SDF4: variants seen among roughly 807,000 people sequenced by gnomAD.
The protein encoded by SDF4 is 45 kDa calcium-binding protein.
Under a neutral mutation model 34.2 loss-of-function variants are expected in SDF4, and 22 were observed. The ratio of observed to expected loss-of-function variants is 0.64; its 90% CI spans 0.46 to 0.92. SDF4 has a LOEUF of 0.92. Ranked by LOEUF, SDF4 falls within the 40% of genes least tolerant of loss-of-function variation. The probability of loss-of-function intolerance (pLI) is 0.00; values close to 1 mark genes in which losing one functional copy is unlikely to be tolerated. For missense variants in SDF4, 447 were observed against 499.9 expected, an observed-to-expected ratio of 0.89 and a Z score of 1.01; for synonymous variants, 236 against 203.1, an observed-to-expected ratio of 1.16 and a Z score of -1.38.
chr1:1,231,849 T>G (rs1638512094), intron 1 of SDF4, 43 bp downstream of exon 1: 1 of 151,966 alleles, frequency 6.6e-6, no homozygotes, highest in Non-Finnish European at 1.5e-5. Context: ...GGCGTACACT[T>G]GGCCCCGCGG....
At chr1:1,220,560 G>C (rs776609119) in intron 4 of SDF4, 73 of 1,266,638 alleles carry the variant, frequency 5.8e-5, no homozygotes, top group Admixed American at 1.2e-4. Flanking sequence ...GCACCCTGAG[G>C]TCGGGGAGGC....
chr1:1,220,471 C>T (rs772075068), intron 4 of SDF4: 16 of 1,193,366 alleles, frequency 1.3e-5, no homozygotes, highest in Non-Finnish European at 1.6e-5. Flanking sequence ...CCAGCGCTTC[C>T]CAGGCCCCTC....
In SDF4 at chr1:1,217,514, A is replaced by G. The variant is rs1325598875; in HGVS notation, c.1066T>C (p.Ter356ArgextTer64). 1 of 1,589,888 alleles carries G rather than the reference A, an allele frequency of 6.3e-7. No homozygotes were observed. The highest frequency in any genetic ancestry group is 2.3e-5 in the East Asian group (1 of 43,782). The change falls in exon 7 of 7, where the codon TGA (stop) becomes CGA (arginine). Residue 356 changes from the stop codon to arginine, a stop_lost. Coordinates refer to ENST00000360001, the MANE Select transcript of SDF4 (RefSeq NM_016176.6). The surrounding 1 kb of genome is among the most constrained non-coding windows in gnomAD (Gnocchi z 8.5). ...CGGCGCGGGGCGCGGCCGGGCGCTC[A>G]AAACTCCTCGTGCACGCTGCGCGCG... Reference protein sequence around the residue: ...DYARSVHEEF* With the variant: ...DYARSVHEEFR
At chr1:1,223,716 A>T in intron 3 of SDF4, 116 bp downstream of exon 3, 1 of 1,016,600 alleles carries the variant, frequency 9.8e-7, no homozygotes, top group Non-Finnish European at 1.4e-6. Context: ...TCCGGCTGAC[A>T]CTTCCCCACC....
intron 4 of SDF4, chr1:1,220,297 G>A: frequency 2.7e-6 from 3 of 1,093,020 alleles, no homozygotes; most frequent in Non-Finnish European, 3.4e-6. Context: ...CCCAGAGAGA[G>A]GCAGCGATGG....
At chr1:1,229,803 C>T (rs79667440) in intron 1 of SDF4, among the ~76,000 whole-genome samples, 5 of 152,218 alleles carry the variant, frequency 3.3e-5, no homozygotes, top group African/African-American at 1.2e-4. Flanking sequence ...CCTCTCCCCC[C>T]GACTGACCAG....
rs199905700 is a variant in SDF4, at chr1:1,217,750, G to A, written c.892-62C>T. ...CCCCCTCCGAGCTCCGCGGCCAGCC[G>A]CACGAAGTGGCTATTTAAGGTGCCT... On this transcript the variant is annotated intron_variant, in intron 6 of 6. Coordinates refer to ENST00000360001, the MANE Select transcript of SDF4 (RefSeq NM_016176.6). The surrounding 1 kb of genome is among the most constrained non-coding windows in gnomAD (Gnocchi z 8.5). 48 of 1,606,996 alleles carry A rather than the reference G, an allele frequency of 3.0e-5. No homozygotes were observed. The South Asian group carries it at 3.1e-4, about 10-fold the overall frequency.
At chr1:1,219,179 C>T in intron 4 of SDF4, 2 of 1,341,626 alleles carry the variant, frequency 1.5e-6, no homozygotes, top group South Asian at 3.0e-5. Context: ...CTCCACACAG[C>T]CCGGACTCCC....
At chr1:1,220,931 T>C (rs1310734355) in intron 4 of SDF4, 11 of 383,090 alleles carry the variant, frequency 2.9e-5, no homozygotes, top group Admixed American at 1.0e-4. Context: ...GGGAGGAAAA[T>C]GTAAACCACT....
In SDF4 at chr1:1,217,920, G is replaced by A. The variant is rs1317020907; in HGVS notation, c.892-232C>T. 8.6e-7 allele frequency: 1 copy of A among 1,166,560 alleles called. No homozygotes were observed. The highest frequency in any genetic ancestry group is 1.6e-5 in the African/African-American group (1 of 63,996). The allele number at this position is 1,166,560 out of a possible 1,614,324, so 72.3% of individuals were successfully genotyped here. A position where few individuals can be genotyped will look rare whatever the true frequency, so the allele number is the denominator to read the frequency against. On this transcript the variant is annotated intron_variant, in intron 6 of 6. Coordinates refer to ENST00000360001, the MANE Select transcript of SDF4 (RefSeq NM_016176.6). The surrounding 1 kb of genome is among the most constrained non-coding windows in gnomAD (Gnocchi z 8.5). ...GGTAACGGGGCACAGGGGCTACACA[G>A]GCCTGGACCCCAGTTCTGAAGGATC...
chr1:1,228,316 G>C (rs981379130), intron 2 of SDF4, 152 bp downstream of exon 2: 3 of 875,376 alleles, frequency 3.4e-6, no homozygotes, highest in Non-Finnish European at 3.4e-6. Context: ...AAACACAGCA[G>C]GCTGGAAGTG....
Position 1,217,440 on chromosome 1 carries a change from C to T in SDF4, c.*72G>A. On this transcript the variant is annotated 3_prime_UTR_variant, in exon 7 of 7. Transcript: ENST00000360001. The surrounding 1 kb of genome is among the most constrained non-coding windows in gnomAD (Gnocchi z 8.5). ...GGGAAGAGGTGGGGTCCGGGACAGC[C>T]ACGGAGCCCGGAGTCACCCGCGAGG... 7.8e-7 allele frequency: 1 copy of T among 1,284,370 alleles called. No individual in the cohort carries two copies. The highest frequency in any genetic ancestry group is 1.0e-6 in the Non-Finnish European group (1 of 996,254). 79.6% of individuals were successfully genotyped at this position (1,284,370 alleles called of 1,614,324 possible). A position where few individuals can be genotyped will look rare whatever the true frequency, so the allele number is the denominator to read the frequency against.
chr1:1,227,864 T>C (rs965100551), intron 2 of SDF4, among the ~76,000 whole-genome samples: 1 of 152,038 alleles, frequency 6.6e-6, no homozygotes, highest in Non-Finnish European at 1.5e-5. Flanking sequence ...GTCTCGGGAC[T>C]CAGCAGGGTG....
chr1:1,218,043 C>T lies in SDF4; in HGVS notation c.892-355G>A, dbSNP rs1449317760. Among the ~76,000 whole-genome samples, 1 of 152,236 alleles carries T rather than the reference C, an allele frequency of 6.6e-6. No individual in the cohort carries two copies. The highest frequency in any genetic ancestry group is 2.4e-5 in the African/African-American group (1 of 41,462). On this transcript the variant is annotated intron_variant, in intron 6 of 6. Transcript: ENST00000360001. This position sits in a 1 kb window ranked among gnomAD's most constrained non-coding sequence, Gnocchi z 7.9. ...CAGCAGTGGGAGAAAAACAAGCCTACACATGATACCAGTGAAAACGCTTCA... is the reference window on the plus strand; with the variant it reads ...CAGCAGTGGGAGAAAAACAAGCCTATACATGATACCAGTGAAAACGCTTCA...
At chr1:1,220,138 C>T (rs561411906) in intron 4 of SDF4, 31 of 987,788 alleles carry the variant, frequency 3.1e-5, no homozygotes, top group Admixed American at 2.4e-4. Flanking sequence ...CGCCGCCGAG[C>T]CCCAGCACCA....
chr1:1,223,790 G>GCCCCCCCCCCCCCC, intron 3 of SDF4, 42 bp downstream of exon 3: 1 of 190,886 alleles, frequency 5.2e-6, no homozygotes, highest in East Asian at 1.3e-4. Flanking sequence ...GGCCCTGCCC[G>GCCCCCCCCCCCCCC]CCCCGCCCAC....
chr1:1,225,094 G>A (rs948249368), intron 2 of SDF4, among the ~76,000 whole-genome samples: 1 of 152,182 alleles, frequency 6.6e-6, no homozygotes, highest in African/African-American at 2.4e-5. Context: ...CCCCAGGACA[G>A]GTCACTCCCG....
At chr1:1,228,338 C>G in intron 2 of SDF4, 130 bp downstream of exon 2, 1 of 1,040,796 alleles carries the variant, frequency 9.6e-7, no homozygotes, top group Non-Finnish European at 1.4e-6. Flanking sequence ...CGCTCATCAC[C>G]GGCACGTCTT....
chr1:1,225,347 C>T (rs754717125), intron 2 of SDF4, among the ~76,000 whole-genome samples: 4 of 152,182 alleles, frequency 2.6e-5, no homozygotes, highest in Non-Finnish European at 4.4e-5. Flanking sequence ...CAGGGGCAGC[C>T]GCGGCCACGT....
Sources: allele counts gnomAD v4.1 joint callset (sites outside exome capture counted in the v4.1 genomes callset), GRCh38; gene constraint gnomAD v4.1.1; non-coding constraint Gnocchi (gnomAD v3.1); transcripts MANE v1.5; gene names NCBI Gene and HGNC (gene_info 2026-07-23, HGNC 2026-07-21).